RUBCN: variants seen among roughly 807,000 people sequenced by gnomAD.
The protein encoded by RUBCN is rubicon autophagy regulator.
RUBCN carries 74 observed loss-of-function variants against 113.2 expected under a neutral mutation model. The observed-to-expected ratio is 0.65, with a 90% CI of 0.54 to 0.79. The LOEUF is 0.79. RUBCN is among the 30% of genes least tolerant of loss of function. RUBCN has a pLI of 0.00. For synonymous variants in RUBCN, 480 were observed against 490.0 expected (o/e 0.98, Z 0.27); for missense variants, 1,109 against 1,251.7 (o/e 0.89, Z 1.72).
intron 1 of RUBCN, among the ~76,000 whole-genome samples, chr3:197,718,484 CTG>C (rs1459457027): frequency 6.6e-6 from 1 of 152,146 alleles, no homozygotes; most frequent in African/African-American, 2.4e-5. Flanking sequence ...ACACTTAACT[CTG>C]TCACCCAGGC....
intron 16 of RUBCN, among the ~76,000 whole-genome samples, chr3:197,679,381 G>A (rs867136703): frequency 5.1e-5 from 7 of 137,068 alleles, no homozygotes; most frequent in Admixed American, 7.7e-5. Flanking sequence ...ACTGTCCTAC[G>A]CTCTAACTTG....
At position 197,668,946 on chromosome 3, in the gene RUBCN, C is replaced by T. The variant is rs969164108; in HGVS notation, c.*6072G>A. 6.6e-6 allele frequency among the ~76,000 whole-genome samples: 1 copy of T among 152,202 alleles called. No individual in the cohort carries two copies. The highest frequency in any genetic ancestry group is 1.5e-5 in the Non-Finnish European group (1 of 68,040). On this transcript the variant is annotated 3_prime_UTR_variant, in exon 20 of 20. Transcript: ENST00000296343. ...GCAGATAAGAGGAAAAAATACTCCA[C>T]AATGCCACCATTCTAACAGAACCAC...
rs1197588237 is a variant in RUBCN at position 197,736,888 on chromosome 3, G to A, written c.-169C>T. The stretch of plus-strand genomic sequence containing the variant: ...GGGAGGGACCGCCGCCTGGGCTGCG[G>A]CTTCTATCCCGGCCACCCCCACTTC... On this transcript the variant is annotated 5_prime_UTR_variant, in exon 1 of 20. Transcript: ENST00000296343. The A allele has an allele frequency of 3.7e-6, 5 of 1,369,580 alleles. No homozygotes were observed. In the African/African-American group the frequency reaches 6.2e-5, roughly 17 times the overall value. 84.8% of individuals were successfully genotyped at this position (1,369,580 alleles called of 1,614,324 possible).
Position 197,683,457 on chromosome 3 carries a change from A to G in RUBCN, c.1848-18T>C. ...AGTGGGAGCTGGAAAGGGGAGAATC[A>G]AGGACGGCTGAACACAGGGAAAGGA... On this transcript the variant is annotated intron_variant, in intron 12 of 19. Transcript: ENST00000296343. The surrounding 1 kb of genome is among the most constrained non-coding windows in gnomAD (Gnocchi z 4.6). 6.2e-7 allele frequency: 1 copy of G among 1,613,516 alleles called. No individual in the cohort carries two copies. Among genetic ancestry groups the G allele is most frequent in the Non-Finnish European group, 8.5e-7 (1 of 1,179,908 alleles).
chr3:197,743,394 C>T (rs1317366177), intron 1 of RUBCN, among the ~76,000 whole-genome samples: 1 of 152,196 alleles, frequency 6.6e-6, no homozygotes, highest in African/African-American at 2.4e-5. Flanking sequence ...TATCCCCAGC[C>T]TCTAGCACAG....
At position 197,672,011 on chromosome 3, in the gene RUBCN, A is replaced by G. The variant is rs1351767175; in HGVS notation, c.*3007T>C. The G allele has an allele frequency of 1.3e-5, 2 of 152,222 alleles. No individual in the cohort carries two copies. The highest frequency in any genetic ancestry group is 2.9e-5 in the Non-Finnish European group (2 of 68,038). The allele number at this position is 152,222 out of a possible 1,614,324, so 9.4% of individuals were successfully genotyped here. A position where few individuals can be genotyped will look rare whatever the true frequency, so the allele number is the denominator to read the frequency against. ...ACGAAAGACAGAATTTTATTTCCTT[A>G]GTTTATTAAAGATGACAATGAACTG... On this transcript the variant is annotated 3_prime_UTR_variant, in exon 20 of 20. Transcript: ENST00000296343.
chr3:197,733,381 C>A (rs1479049607), intron 1 of RUBCN, among the ~76,000 whole-genome samples: 3 of 152,144 alleles, frequency 2.0e-5, no homozygotes, highest in African/African-American at 7.2e-5. Flanking sequence ...ACTGAGGAGG[C>A]TGAGGTGGGA....
intron 1 of RUBCN, among the ~76,000 whole-genome samples, chr3:197,745,971 G>A (rs976584497): frequency 6.7e-6 from 1 of 150,000 alleles, no homozygotes; most frequent in African/African-American, 2.5e-5. Context: ...GGGAGGCGGA[G>A]GTTGCAGTGA....
rs1719583590 is a variant in RUBCN at position 197,669,299 on chromosome 3, G to A, written c.*5719C>T. ...CACTAATATCCTTTCTCCATTTCGG[G>A]ATCCCACCCGGGATCCCACATGGCA... On this transcript the variant is annotated 3_prime_UTR_variant, in exon 20 of 20. Transcript: ENST00000296343. Among the ~76,000 whole-genome samples the A allele has an allele frequency of 6.6e-6, 1 of 152,096 alleles. No individual in the cohort carries two copies. Among genetic ancestry groups the A allele is most frequent in the Non-Finnish European group, 1.5e-5 (1 of 68,026 alleles).
At chr3:197,676,852 G>A (rs1305668250) in intron 18 of RUBCN, 33 bp downstream of exon 18, 3 of 1,613,800 alleles carry the variant, frequency 1.9e-6, no homozygotes, top group African/African-American at 2.7e-5. Flanking sequence ...AAAAGCAAGG[G>A]CTCAGCTGCA....
intron 1 of RUBCN, among the ~76,000 whole-genome samples, chr3:197,747,943 T>A (rs1005064580): frequency 4.0e-5 from 6 of 151,548 alleles, no homozygotes; most frequent in African/African-American, 1.2e-4. Context: ...TTTTTTTTTT[T>A]TTATTTGAGA....
rs113975138 is a variant in RUBCN, at chr3:197,698,829, CAAAAA to C, written c.1261+1779_1262-1781del. Among the ~76,000 whole-genome samples the C allele has an allele frequency of 2.5e-3, 79 of 31,090 alleles. No homozygotes were observed. The Middle Eastern group carries it at 0.038, about 15-fold the overall frequency. 20.4% of individuals were successfully genotyped at this position (31,090 alleles called of 152,430 possible). A position where few individuals can be genotyped will look rare whatever the true frequency, so the allele number is the denominator to read the frequency against. ...GCAATGCGGTGAAACCCTGTCTCTA[CAAAAA>C]AAAAAAAAAAAAAAAAGTAAAAAAA... On this transcript the variant is annotated intron_variant, in intron 7 of 19. Coordinates refer to ENST00000296343, the MANE Select transcript of RUBCN (RefSeq NM_014687.4).
intron 5 of RUBCN, 97 bp from the exon 6 acceptor site, chr3:197,701,961 A>G: frequency 8.9e-7 from 1 of 1,123,010 alleles, no homozygotes. Flanking sequence ...CATAGAAGCT[A>G]CCTTTGCAGT....
Position 197,681,234 on chromosome 3 carries a change from G to GTTGCTGACGTAGTAC in RUBCN, c.2310_2324dup (p.Lys770_Ser774dup), listed in dbSNP as rs746082214. ...TCTTAATGAGCAGGTCCTTGGAGAA[G>GTTGCTGACGTAGTAC]TTGCTGACGTAGTACTTGCTGAAGT... is the stretch of plus-strand genomic sequence containing the variant. On this transcript the variant is annotated inframe_insertion, in exon 16 of 20. Transcript: ENST00000296343. This position sits in a 1 kb window ranked among gnomAD's most constrained non-coding sequence, Gnocchi z 5.5. The GTTGCTGACGTAGTAC allele has an allele frequency of 6.2e-7, 1 of 1,614,134 alleles. No homozygotes were observed. Among genetic ancestry groups the GTTGCTGACGTAGTAC allele is most frequent in the African/African-American group, 1.3e-5 (1 of 75,046 alleles).
At position 197,681,065 on chromosome 3, in the gene RUBCN, CGAGGGGAGGGGATGAGGGGAG is replaced by C; in HGVS notation, c.2430+43_2430+63del. 3 of 807,138 alleles carry C rather than the reference CGAGGGGAGGGGATGAGGGGAG, an allele frequency of 3.7e-6. No homozygotes were observed. The South Asian group carries it at 4.5e-5, about 12-fold the overall frequency. The allele number at this position is 807,138 out of a possible 1,614,324, so 50.0% of individuals were successfully genotyped here. A position where few individuals can be genotyped will look rare whatever the true frequency, so the allele number is the denominator to read the frequency against. On this transcript the variant is annotated intron_variant, in intron 16 of 19. Coordinates refer to ENST00000296343, the MANE Select transcript of RUBCN (RefSeq NM_014687.4). The surrounding 1 kb of genome is among the most constrained non-coding windows in gnomAD (Gnocchi z 5.5). ...ATGGGGGGAGGGGACGGGGGAGGGA[CGAGGGGAGGGGATGAGGGGAG>C]GAGAAGGGCAAGACTCTAAGGTGGC...
At chr3:197,728,670 G>A (rs1269214849) in intron 1 of RUBCN, among the ~76,000 whole-genome samples, 3 of 152,148 alleles carry the variant, frequency 2.0e-5, no homozygotes, top group African/African-American at 7.2e-5. Context: ...GCTAGGCACT[G>A]GTGCTTAAAG....
At chr3:197,680,068 A>G (rs1721023379) in intron 16 of RUBCN, among the ~76,000 whole-genome samples, 2 of 148,162 alleles carry the variant, frequency 1.3e-5, no homozygotes, top group East Asian at 2.0e-4. Flanking sequence ...AGACTGTCCT[A>G]CGCTCTAACT....
upstream of RUBCN, chr3:197,736,965 C>A: frequency 1.6e-6 from 2 of 1,284,930 alleles, no homozygotes; most frequent in Non-Finnish European, 2.0e-6. Flanking sequence ...AGGCCGCTCC[C>A]GCAGGACGCG....
chr3:197,674,055 G>A lies in RUBCN; in HGVS notation c.*963C>T, dbSNP rs2108823591. Reference sequence around the variant, plus strand: ...CACAACGACCATCTAACAGAGGACAGAGTCATCAGGGACACGCTAAGAAGA... The same window carrying A: ...CACAACGACCATCTAACAGAGGACAAAGTCATCAGGGACACGCTAAGAAGA... On this transcript the variant is annotated 3_prime_UTR_variant, in exon 20 of 20. Transcript: ENST00000296343. The A allele has an allele frequency of 1.3e-5, 2 of 152,512 alleles. No homozygotes were observed. The highest frequency in any genetic ancestry group is 2.9e-5 in the Non-Finnish European group (2 of 68,164). 9.4% of individuals were successfully genotyped at this position (152,512 alleles called of 1,614,324 possible).
Sources: allele counts gnomAD v4.1 joint callset (sites outside exome capture counted in the v4.1 genomes callset), GRCh38; gene constraint gnomAD v4.1.1; non-coding constraint Gnocchi (gnomAD v3.1); transcripts MANE v1.5; gene names NCBI Gene and HGNC (gene_info 2026-07-23, HGNC 2026-07-21).